KDM6A: variants seen among roughly 807,000 people sequenced by gnomAD.
KDM6A encodes lysine demethylase 6A.
KDM6A carries 11 observed loss-of-function variants against 117.6 expected under a neutral mutation model. The observed-to-expected ratio is 0.09, with a 90% CI of 0.06 to 0.15. The LOEUF is 0.15. Ranked by LOEUF, KDM6A falls within the 10% of genes least tolerant of loss-of-function variation. The probability of loss-of-function intolerance (pLI) is 1.00; values close to 1 mark genes in which losing one functional copy is unlikely to be tolerated. For synonymous variants in KDM6A, 384 were observed against 396.1 expected (o/e 0.97, Z 0.36); for missense variants, 799 against 1,077.3 (o/e 0.74, Z 3.62).
chrX:45,090,888 T>C (rs776854425), intron 27 of KDM6A, 24 bp downstream of exon 27: 8 of 1,202,265 alleles, frequency 6.7e-6, no homozygotes, highest in Non-Finnish European at 7.9e-6. Context: ...AAAACTGCTG[T>C]AGTCCCTCTC....
At chrX:44,991,630 TTTAA>T (rs768806852) in intron 4 of KDM6A, among the ~76,000 whole-genome samples, 1 of 112,256 alleles carries the variant, frequency 8.9e-6, no homozygotes, top group Non-Finnish European at 1.9e-5. Context: ...CTGTATTTCT[TTTAA>T]TTAAGTTGAT....
At chrX:44,982,801 G>C (rs779760059) in intron 4 of KDM6A, among the ~76,000 whole-genome samples, 1 of 111,730 alleles carries the variant, frequency 9.0e-6, no homozygotes, top group East Asian at 2.8e-4. Flanking sequence ...GTATTGTACT[G>C]GTGTGGGATT....
chrX:44,966,569 C>T (rs1452118885), intron 3 of KDM6A, among the ~76,000 whole-genome samples: 1 of 110,721 alleles, frequency 9.0e-6, no homozygotes, highest in East Asian at 2.8e-4. Flanking sequence ...TGAGAGTAAT[C>T]TAGTAAGGTG....
intron 2 of KDM6A, among the ~76,000 whole-genome samples, chrX:44,911,898 G>A (rs959148474): frequency 9.1e-6 from 1 of 110,015 alleles, no homozygotes; most frequent in Non-Finnish European, 1.9e-5. Context: ...GTGGCGGCGC[G>A]CGCCTGCAAT....
intron 8 of KDM6A, among the ~76,000 whole-genome samples, chrX:45,048,895 T>TTTTTTTTTTTTTTTG (rs2043705649): frequency 9.1e-6 from 1 of 110,169 alleles, no homozygotes; most frequent in African/African-American, 3.4e-5. Flanking sequence ...GTTACTTTTT[T>TTTTTTTTTTTTTTTG]ACACATCGTT....
intron 2 of KDM6A, among the ~76,000 whole-genome samples, chrX:44,910,817 TA>T (rs1393159055): frequency 9.0e-6 from 1 of 111,117 alleles, no homozygotes; most frequent in Non-Finnish European, 1.9e-5. Context: ...GGGTTGGGGG[TA>T]AGGTCATAGA....
chrX:45,078,046 A>T (rs182745660), intron 19 of KDM6A, among the ~76,000 whole-genome samples: 4 of 112,213 alleles, frequency 3.6e-5, no homozygotes, highest in African/African-American at 1.3e-4. Flanking sequence ...TGACTGGCTT[A>T]TTTCACTTAA....
chrX:44,936,304 T>C (rs893976037), intron 2 of KDM6A, among the ~76,000 whole-genome samples: 1 of 111,417 alleles, frequency 9.0e-6, no homozygotes, highest in African/African-American at 3.3e-5. Flanking sequence ...AATCCCATCT[T>C]TTTACCAGAT....
intron 17 of KDM6A, among the ~76,000 whole-genome samples, chrX:45,066,259 G>C (rs934547307): frequency 2.5e-4 from 28 of 111,737 alleles, no homozygotes; most frequent in African/African-American, 8.8e-4. Context: ...AACTGAAGTA[G>C]CAAGTATAGA....
At chrX:44,961,744 G>T (rs1161637467) in intron 3 of KDM6A, among the ~76,000 whole-genome samples, 7 of 111,914 alleles carry the variant, frequency 6.3e-5, no homozygotes, top group Non-Finnish European at 3.8e-5. Context: ...TATTTAAAAC[G>T]TTTCCATTTT....
intron 27 of KDM6A, 61 bp downstream of exon 27, chrX:45,090,925 T>A: frequency 8.9e-7 from 1 of 1,128,734 alleles, no homozygotes. Flanking sequence ...ACTATTAAGT[T>A]TTTTTTCTCC....
At chrX:45,060,527 C>T in intron 13 of KDM6A, 82 bp from the exon 14 acceptor site, 1 of 769,374 alleles carries the variant, frequency 1.3e-6, no homozygotes, top group Non-Finnish European at 1.7e-6. Flanking sequence ...GAAAAGTATG[C>T]AGCTTGTAAA....
At chrX:45,006,176 G>C (rs187783560) in intron 4 of KDM6A, among the ~76,000 whole-genome samples, 12 of 71,101 alleles carry the variant, frequency 1.7e-4, no homozygotes, top group African/African-American at 3.9e-4. Context: ...CCCCCCCGCC[G>C]CCATGTTGCC....
chrX:45,084,542 G>C (rs1272015627), intron 24 of KDM6A, among the ~76,000 whole-genome samples: 1 of 111,706 alleles, frequency 9.0e-6, no homozygotes, highest in African/African-American at 3.3e-5. Flanking sequence ...AATTTTTTCA[G>C]AATAGGGCTA....
chrX:44,885,036 ATT>A (rs753134380), intron 2 of KDM6A, among the ~76,000 whole-genome samples: 9 of 93,541 alleles, frequency 9.6e-5, no homozygotes, highest in East Asian at 3.3e-4. Context: ...CATCATTTCT[ATT>A]TTTTTTTTTT....
intron 2 of KDM6A, among the ~76,000 whole-genome samples, chrX:44,902,398 T>TC (rs1332012008): frequency 9.4e-6 from 1 of 106,839 alleles, no homozygotes; most frequent in East Asian, 2.9e-4. Flanking sequence ...ATTTCTACCT[T>TC]TTTTTTTTTG....
chrX:44,998,865 A>G (rs1434130299), intron 4 of KDM6A, among the ~76,000 whole-genome samples: 1 of 112,112 alleles, frequency 8.9e-6, no homozygotes, highest in Non-Finnish European at 1.9e-5. Context: ...CAAATTGGCA[A>G]CGTTATAACA....
At chrX:44,873,769 G>C (rs1213344540) in intron 1 of KDM6A, 57 bp downstream of exon 1, 3 of 1,154,344 alleles carry the variant, frequency 2.6e-6, no homozygotes, top group Non-Finnish European at 3.5e-6. Context: ...CCGCTCTCCC[G>C]GGAGGACCGA....
intron 2 of KDM6A, 111 bp from the exon 3 acceptor site, chrX:44,961,172 TC>T: frequency 2.0e-6 from 1 of 509,329 alleles, no homozygotes; most frequent in East Asian, 3.8e-5. Flanking sequence ...AGTGAAATTT[TC>T]AATATTGACT....
Sources: gnomAD v4.1 joint callset for allele counts (sites outside exome capture counted in the v4.1 genomes callset) on GRCh38, gnomAD v4.1.1 for gene constraint, MANE v1.5 for transcripts, NCBI Gene and HGNC (gene_info 2026-07-23, HGNC 2026-07-21) for gene names.